The following TAFA1 variants were observed in gnomAD, a reference collection of about 807,000 sequenced individuals.
The protein encoded by TAFA1 is chemokine-like protein TAFA-1.
In TAFA1, 4 loss-of-function variants were observed where a neutral mutation model predicts 18.5. That is an observed-to-expected ratio of 0.22 (90% CI 0.11 to 0.49). The LOEUF is 0.49. Among genes scored for constraint, TAFA1 ranks in the 20% least tolerant of loss-of-function variants. The pLI is 0.98. For missense variants in TAFA1, 147 were observed against 169.0 expected, an observed-to-expected ratio of 0.87 and a Z score of 0.72; for synonymous variants, 56 against 55.2, an observed-to-expected ratio of 1.01 and a Z score of -0.06.
At chr3:68,177,989 A>C (rs1409250256) in intron 2 of TAFA1, among the ~76,000 whole-genome samples, 3 of 152,016 alleles carry the variant, frequency 2.0e-5, no homozygotes. Context: ...CTAAAAATAC[A>C]AAAAATTAGC....
At chr3:68,045,338 G>A (rs1705245567) in intron 2 of TAFA1, among the ~76,000 whole-genome samples, 1 of 152,164 alleles carries the variant, frequency 6.6e-6, no homozygotes, top group East Asian at 1.9e-4. Context: ...ATGTTCAGAG[G>A]TGGGGCATTA....
At chr3:68,400,085 C>T (rs1490975618) in intron 2 of TAFA1, among the ~76,000 whole-genome samples, 1 of 152,308 alleles carries the variant, frequency 6.6e-6, no homozygotes, top group African/African-American at 2.4e-5. Flanking sequence ...TATCCTTAAA[C>T]CATTCACTGT....
intron 2 of TAFA1, among the ~76,000 whole-genome samples, chr3:68,275,423 A>G (rs2067775713): frequency 6.6e-6 from 1 of 152,038 alleles, no homozygotes; most frequent in Non-Finnish European, 1.5e-5. Context: ...GGAAAGGAGA[A>G]AGAAGGAAAG....
chr3:68,543,384 A>G (rs1049352993), intron 4 of TAFA1, among the ~76,000 whole-genome samples: 7 of 152,312 alleles, frequency 4.6e-5, no homozygotes, highest in African/African-American at 1.7e-4. Context: ...CTTGGGAAGC[A>G]GCAAACCACG....
At chr3:68,216,144 C>T (rs2066654449) in intron 2 of TAFA1, among the ~76,000 whole-genome samples, 1 of 151,942 alleles carries the variant, frequency 6.6e-6, no homozygotes, top group Non-Finnish European at 1.5e-5. Flanking sequence ...TTAGTGGTTG[C>T]CAGAAGTTCA....
chr3:68,173,903 T>TA (rs11373079), intron 2 of TAFA1, among the ~76,000 whole-genome samples: 141,882 of 152,032 alleles, frequency 0.93, 66,286 homozygotes, highest in South Asian at 0.96. Flanking sequence ...GATATTTAAT[T>TA]AAAAAAATAT....
intron 2 of TAFA1, among the ~76,000 whole-genome samples, chr3:68,406,038 A>G (rs2070599642): frequency 6.6e-6 from 1 of 152,150 alleles, no homozygotes; most frequent in African/African-American, 2.4e-5. Flanking sequence ...AGTATCCGTT[A>G]AATTTAGGCA....
chr3:68,509,440 C>G (rs1276258010), intron 3 of TAFA1, among the ~76,000 whole-genome samples: 1 of 152,094 alleles, frequency 6.6e-6, no homozygotes, highest in African/African-American at 2.4e-5. Flanking sequence ...CAAAATTCCA[C>G]TCTTCCACTA....
chr3:68,028,649 A>T (rs903632382), intron 2 of TAFA1, among the ~76,000 whole-genome samples: 87 of 151,898 alleles, frequency 5.7e-4, no homozygotes, highest in Admixed American at 1.0e-3. Context: ...TTGTGGATTG[A>T]CTTGTGGCTG....
chr3:68,121,551 G>A (rs901843062), intron 2 of TAFA1, among the ~76,000 whole-genome samples: 27 of 152,152 alleles, frequency 1.8e-4, no homozygotes, highest in Non-Finnish European at 1.5e-4. Flanking sequence ...AATAAGAACA[G>A]AGTGTGTTTG....
intron 2 of TAFA1, among the ~76,000 whole-genome samples, chr3:68,033,525 G>T (rs746347811): frequency 1.3e-5 from 2 of 152,136 alleles, no homozygotes; most frequent in African/African-American, 4.8e-5. Flanking sequence ...GTTTAAACAA[G>T]AACATTCTCC....
rs143399536 is a variant in TAFA1 at position 68,475,617 on chromosome 3, T to G, written c.259+58197T>G. On this transcript the variant is annotated intron_variant, in intron 3 of 4. Transcript: ENST00000478136. ...CTATTGTGAATAGTGCCACAGTAAA[T>G]ATACGTGTGCATGTGTCTTTATAGC... Among the ~76,000 whole-genome samples the G allele has an allele frequency of 7.0e-3, 1,059 of 152,258 alleles. 10 individuals carry two copies. The highest frequency in any genetic ancestry group is 0.025 in the African/African-American group (1,020 of 41,532).
intron 3 of TAFA1, among the ~76,000 whole-genome samples, chr3:68,523,830 T>C (rs2073064084): frequency 6.6e-6 from 1 of 152,208 alleles, no homozygotes. Flanking sequence ...TTTGTTGTTT[T>C]GGATTTAGGT....
intron 3 of TAFA1, among the ~76,000 whole-genome samples, chr3:68,518,124 C>T (rs537054746): frequency 6.6e-6 from 1 of 152,172 alleles, no homozygotes; most frequent in Non-Finnish European, 1.5e-5. Flanking sequence ...TGCAGACATC[C>T]CTTTTTCAAC....
chr3:68,145,433 G>A (rs1436143823), intron 2 of TAFA1: 2 of 846,458 alleles, frequency 2.4e-6, no homozygotes, highest in East Asian at 4.8e-5. Context: ...TATAGAAGAG[G>A]CTGTGAAAGG....
At chr3:68,062,213 C>T (rs1295804168) in intron 2 of TAFA1, among the ~76,000 whole-genome samples, 1 of 152,040 alleles carries the variant, frequency 6.6e-6, no homozygotes, top group Non-Finnish European at 1.5e-5. Flanking sequence ...TATAGACTAT[C>T]AAGGTGAATC....
chr3:68,359,894 C>T (rs1172502930), intron 2 of TAFA1, among the ~76,000 whole-genome samples: 1 of 151,868 alleles, frequency 6.6e-6, no homozygotes, highest in East Asian at 1.9e-4. Context: ...TAGTGAGGAC[C>T]TTGATATGAG....
intron 2 of TAFA1, among the ~76,000 whole-genome samples, chr3:68,290,507 A>G (rs375721255): frequency 1.3e-3 from 203 of 152,224 alleles, no homozygotes; most frequent in African/African-American, 4.5e-3. Flanking sequence ...TCATAATGAA[A>G]TTGTCCCCTT....
rs145650549 is a variant in TAFA1 at position 68,031,819 on chromosome 3, T to A, written c.118+25075T>A. On this transcript the variant is annotated intron_variant, in intron 2 of 4. Coordinates refer to ENST00000478136, the MANE Select transcript of TAFA1 (RefSeq NM_213609.4). ...TTGGATGACTTCTATCTTCTATTAT[T>A]TTTTCCGTGGCTTCATTTTCTGTTC... Among the ~76,000 whole-genome samples, 560 of 152,296 alleles carry A rather than the reference T, an allele frequency of 3.7e-3. 3 individuals carry two copies. The highest frequency in any genetic ancestry group is 0.012 in the African/African-American group (505 of 41,580).
Sources: gnomAD v4.1 joint callset for allele counts (sites outside exome capture counted in the v4.1 genomes callset) on GRCh38, gnomAD v4.1.1 for gene constraint, MANE v1.5 for transcripts, NCBI Gene and HGNC (gene_info 2026-07-23, HGNC 2026-07-21) for gene names.